Variants in PPID observed in about 807,000 individuals in gnomAD.
PPID encodes peptidyl-prolyl cis-trans isomerase D.
PPID carries 47 observed loss-of-function variants against 48.1 expected under a neutral mutation model. That is an observed-to-expected ratio of 0.98 (90% CI 0.77 to 1.25). The LOEUF is 1.25. Ranked by LOEUF, PPID falls within the 50% of genes most tolerant of loss-of-function variation. The pLI is 0.00. For missense variants in PPID, 429 were observed against 443.5 expected (o/e 0.97, Z 0.29); for synonymous variants, 163 against 148.8 (o/e 1.10, Z -0.69).
intron 1 of PPID, among the ~76,000 whole-genome samples, chr4:158,722,482 T>A (rs1224205671): frequency 1.3e-5 from 2 of 152,256 alleles, no homozygotes; most frequent in Non-Finnish European, 1.5e-5. Flanking sequence ...ACAAACTGAA[T>A]GTACGTGTAA....
At chr4:158,714,982 G>A (rs548925738) in intron 6 of PPID, among the ~76,000 whole-genome samples, 9 of 152,280 alleles carry the variant, frequency 5.9e-5, no homozygotes, top group Non-Finnish European at 1.0e-4. Flanking sequence ...TAGGAAATAC[G>A]TGCTGAAATA....
rs746900209 is a variant in PPID, at chr4:158,717,051, T to A, written c.483A>T (p.Ile161=). 1.2e-6 allele frequency: 2 copies of A among 1,614,016 alleles called. No homozygotes were observed. The highest frequency in any genetic ancestry group is 4.5e-5 in the East Asian group (2 of 44,884). Residue 161 remains isoleucine, a synonymous_variant, in exon 4 of 10, where the codon ATA becomes ATT. Transcript: ENST00000307720. The stretch of plus-strand genomic sequence containing the variant: ...CACCTTTCACTTCCACATTTTCCAA[T>A]ATCCTTGCCACTCCTATTCCTTTAA... ...QVIKGIGVAR[I]LENVEVKGEK...
Position 158,713,219 on chromosome 4 carries a change from C to T in PPID, c.794G>A (p.Arg265Lys). 1.9e-6 allele frequency: 3 copies of T among 1,613,940 alleles called. No homozygotes were observed. The highest frequency in any genetic ancestry group is 1.1e-5 in the South Asian group (1 of 91,058). ...TAAAGCTATAGGTTGCAGCTTGGCT[C>T]TATCTGCTGTCTCAATAACAGCCTT... ...SSKAVIETAD[R>K]AKLQPIALSC... The change falls in exon 7 of 10, where the codon AGA (arginine) becomes AAA (lysine). Residue 265 changes from arginine (R) to lysine (K), a missense_variant. By Grantham distance (26) the Arg-to-Lys change is conservative. Coordinates refer to ENST00000307720, the MANE Select transcript of PPID (RefSeq NM_005038.3).
intron 1 of PPID, among the ~76,000 whole-genome samples, chr4:158,722,624 G>C (rs907108534): frequency 1.3e-5 from 2 of 152,202 alleles, no homozygotes; most frequent in Non-Finnish European, 2.9e-5. Flanking sequence ...ACTTCTGAGC[G>C]GCTATGTAAC....
intron 7 of PPID, among the ~76,000 whole-genome samples, chr4:158,711,411 A>T (rs1359190023): frequency 6.7e-6 from 1 of 149,772 alleles, no homozygotes; most frequent in African/African-American, 2.5e-5. Context: ...TTTTTTAGAG[A>T]CAGGGTTTCA....
At chr4:158,711,421 A>G (rs922353250) in intron 7 of PPID, among the ~76,000 whole-genome samples, 3 of 150,020 alleles carry the variant, frequency 2.0e-5, no homozygotes, top group Non-Finnish European at 4.4e-5. Context: ...ACAGGGTTTC[A>G]CCATGTTGCC....
In PPID at chr4:158,710,792, C is replaced by T. The variant is rs751795274; in HGVS notation, c.951G>A (p.Trp317Ter). 5 of 1,613,926 alleles carry T rather than the reference C, an allele frequency of 3.1e-6. No homozygotes were observed. The highest frequency in any genetic ancestry group is 4.2e-6 in the Non-Finnish European group (5 of 1,179,820). Reference sequence around the variant, plus strand: ...CTTGATCATATTCTTTTAATCCTTGCCATCCTTGAGCTCTGCGGTACAATG... The same window carrying T: ...CTTGATCATATTCTTTTAATCCTTGTCATCCTTGAGCTCTGCGGTACAATG... Reference protein sequence around the residue: ...TKALYRRAQGWQGLKEYDQAL... With the variant: ...TKALYRRAQG The change falls in exon 8 of 10, where the codon TGG becomes TGA. Residue 317 changes from tryptophan (W) to a stop codon, truncating the protein, a stop_gained. Transcript: ENST00000307720. LOFTEE classifies it high-confidence loss of function.
chr4:158,711,236 G>GT (rs1774785741), intron 7 of PPID, among the ~76,000 whole-genome samples: 1 of 151,606 alleles, frequency 6.6e-6, no homozygotes, highest in Admixed American at 6.6e-5. Flanking sequence ...TTTGTTTTTT[G>GT]TTTTTTTAAG....
At chr4:158,715,203 A>G in intron 6 of PPID, 94 bp downstream of exon 6, 1 of 1,065,352 alleles carries the variant, frequency 9.4e-7, no homozygotes, top group Admixed American at 3.6e-5. Flanking sequence ...GTTATTCCAC[A>G]AGTAATTTGC....
At chr4:158,710,410 A>T (rs1774769251) in intron 9 of PPID, 1 of 602,286 alleles carries the variant, frequency 1.7e-6, no homozygotes, top group Non-Finnish European at 2.9e-6. Context: ...TAACGTGAAA[A>T]ACTACTATAT....
At position 158,709,586 on chromosome 4, in the gene PPID, T is replaced by TG; in HGVS notation, c.*149dup. On this transcript the variant is annotated 3_prime_UTR_variant, in exon 10 of 10. Coordinates refer to ENST00000307720, the MANE Select transcript of PPID (RefSeq NM_005038.3). ...TGTATTGTGACATGTTTATTAAGCA[T>TG]GAACCCCTATCAGTACTCCTAAACT... is the stretch of plus-strand genomic sequence containing the variant. 1.8e-6 allele frequency: 1 copy of TG among 568,806 alleles called. No homozygotes were observed. The highest frequency in any genetic ancestry group is 3.0e-6 in the Non-Finnish European group (1 of 328,384). The allele number at this position is 568,806 out of a possible 1,614,324, so 35.2% of individuals were successfully genotyped here. A position where few individuals can be genotyped will look rare whatever the true frequency, so the allele number is the denominator to read the frequency against.
chr4:158,718,629 T>C (rs1774908244), intron 3 of PPID, among the ~76,000 whole-genome samples: 2 of 152,222 alleles, frequency 1.3e-5, no homozygotes, highest in African/African-American at 2.4e-5. Flanking sequence ...CCCTTGCTCA[T>C]ATTCCTTATT....
chr4:158,714,299 CA>C (rs1774834810), intron 6 of PPID, among the ~76,000 whole-genome samples: 1 of 152,168 alleles, frequency 6.6e-6, no homozygotes, highest in Non-Finnish European at 1.5e-5. Context: ...TGAACTCAAA[CA>C]GGCCAAAGCG....
At position 158,709,674 on chromosome 4, in the gene PPID, A is replaced by G. The variant is rs1774745285; in HGVS notation, c.*62T>C. On this transcript the variant is annotated 3_prime_UTR_variant, in exon 10 of 10. Coordinates refer to ENST00000307720, the MANE Select transcript of PPID (RefSeq NM_005038.3). ...TTAGGGATCATATTCATAGACAAAAACCTTTACATTTTCTTATTGCATTTA... is the reference window on the plus strand; with the variant it reads ...TTAGGGATCATATTCATAGACAAAAGCCTTTACATTTTCTTATTGCATTTA... 3 of 1,274,700 alleles carry G rather than the reference A, an allele frequency of 2.4e-6. No homozygotes were observed. The allele number at this position is 1,274,700 out of a possible 1,614,324, so 79.0% of individuals were successfully genotyped here.
intron 7 of PPID, among the ~76,000 whole-genome samples, chr4:158,711,318 C>G (rs769427725): frequency 6.6e-6 from 1 of 152,038 alleles, no homozygotes; most frequent in East Asian, 1.9e-4. Flanking sequence ...CTCAACCCCC[C>G]AGGCTCAAGT....
At chr4:158,721,597 T>C in intron 1 of PPID, 114 bp from the exon 2 acceptor site, 1 of 1,263,204 alleles carries the variant, frequency 7.9e-7, no homozygotes, top group Non-Finnish European at 1.1e-6. Flanking sequence ...AGTTCCCCTT[T>C]ACTGTAATTT....
intron 9 of PPID, 53 bp downstream of exon 9, chr4:158,710,575 G>A (rs1200400507): frequency 6.4e-7 from 1 of 1,558,122 alleles, no homozygotes; most frequent in East Asian, 2.2e-5. Context: ...GGTTCCTGAG[G>A]ATAAGTATTT....
Position 158,709,649 on chromosome 4 carries a change from T to G in PPID, c.*87A>C. On this transcript the variant is annotated 3_prime_UTR_variant, in exon 10 of 10. Transcript: ENST00000307720. ...GAACTAAGGTGTCAAAAGAAACACA[T>G]TAGGGATCATATTCATAGACAAAAA... The G allele has an allele frequency of 1.0e-6, 1 of 980,362 alleles. No homozygotes were observed. Among genetic ancestry groups the G allele is most frequent in the Non-Finnish European group, 1.5e-6 (1 of 647,006 alleles). The allele number at this position is 980,362 out of a possible 1,614,324, so 60.7% of individuals were successfully genotyped here. A position where few individuals can be genotyped will look rare whatever the true frequency, so the allele number is the denominator to read the frequency against.
Position 158,709,447 on chromosome 4 carries a change from G to C in PPID, c.*289C>G. The C allele has an allele frequency of 4.9e-6, 1 of 205,846 alleles. No individual in the cohort carries two copies. Among genetic ancestry groups the C allele is most frequent in the East Asian group, 1.2e-4 (1 of 8,360 alleles). 12.8% of individuals were successfully genotyped at this position (205,846 alleles called of 1,614,324 possible). Reference sequence around the variant, plus strand: ...CTTGGGAAGCTGAGGCAGGAGAATTGCTTGAACCCGGGAGGCAGAGGATGC... The same window carrying C: ...CTTGGGAAGCTGAGGCAGGAGAATTCCTTGAACCCGGGAGGCAGAGGATGC... On this transcript the variant is annotated 3_prime_UTR_variant, in exon 10 of 10. Coordinates refer to ENST00000307720, the MANE Select transcript of PPID (RefSeq NM_005038.3).
Sources: allele counts gnomAD v4.1 joint callset (sites outside exome capture counted in the v4.1 genomes callset), GRCh38; gene constraint gnomAD v4.1.1; transcripts MANE v1.5; gene names NCBI Gene and HGNC (gene_info 2026-07-23, HGNC 2026-07-21).